The following RANBP2 variants were observed in gnomAD, a reference collection of about 807,000 sequenced individuals.
RANBP2 encodes the protein RAN binding protein 2.
In RANBP2, 57 loss-of-function variants were observed where a neutral mutation model predicts 303.6. The ratio of observed to expected loss-of-function variants is 0.19; its 90% CI spans 0.15 to 0.23. The LOEUF (loss-of-function observed/expected upper bound fraction) is 0.23, where lower values mean the gene tolerates loss of function less well. Ranked by LOEUF, RANBP2 falls within the 10% of genes least tolerant of loss-of-function variation. RANBP2 has a pLI of 1.00. For synonymous variants in RANBP2, 1,167 were observed against 1,301.5 expected, an observed-to-expected ratio of 0.90 and a Z score of 2.23; for missense variants, 3,138 against 3,780.8, an observed-to-expected ratio of 0.83 and a Z score of 4.46.
the RANBP2 span, chr2:109,128,686 A>C: frequency 1.2e-5 from 2 of 170,778 alleles, no homozygotes; most frequent in South Asian, 2.3e-4. Context: ...CTGTGTCCCC[A>C]AGCTGCTCGC....
At chr2:109,204,166 G>T in the RANBP2 span, among the ~76,000 whole-genome samples, 2 of 152,196 alleles carry the variant, frequency 1.3e-5, no homozygotes, top group Non-Finnish European at 2.9e-5. Context: ...TTTAGATTCA[G>T]CCATTAACTC....
Position 108,765,232 on chromosome 2 carries a change from G to C in RANBP2, c.4693G>C (p.Ala1565Pro), listed in dbSNP as rs777992415. The stretch of plus-strand genomic sequence containing the variant: ...TGAAGCAAATGCTACAAGATGTGTT[G>C]CTTGTCAGAATCCGGATAAACCAAG... ...RNEANATRCV[A>P]CQNPDKPSPS... The change falls in exon 20 of 29, where the codon GCT becomes CCT. Residue 1565 changes from alanine (A) to proline (P), a missense_variant. Physicochemically the swap from Ala to Pro is conservative, Grantham distance 27. Around this residue, in one of 20 missense-constraint regions of RANBP2, gnomAD observed 388 missense variants for 328.5 expected, o/e 1.18. Coordinates refer to ENST00000283195, the MANE Select transcript of RANBP2 (RefSeq NM_006267.5). 6.2e-7 allele frequency: 1 copy of C among 1,614,020 alleles called. No individual in the cohort carries two copies. The highest frequency in any genetic ancestry group is 1.7e-5 in the Admixed American group (1 of 60,002).
the RANBP2 span, among the ~76,000 whole-genome samples, chr2:108,984,955 C>A: frequency 6.6e-6 from 1 of 152,152 alleles, no homozygotes; most frequent in Non-Finnish European, 1.5e-5. Context: ...GGAAATATGG[C>A]AAATGGAAGT....
At position 108,719,585 on chromosome 2, in the gene RANBP2, C is replaced by G. The variant is rs1172245242; in HGVS notation, c.-22C>G. ...GCCTGAGCGCTGGTCTCACGCGCCT[C>G]GGGAGCCAGGTTGGCGGCGCGATGA... On this transcript the variant is annotated 5_prime_UTR_variant, in exon 1 of 29. Transcript: ENST00000283195. 33 of 1,597,238 alleles carry G rather than the reference C, an allele frequency of 2.1e-5. No individual in the cohort carries two copies. Among genetic ancestry groups the G allele is most frequent in the South Asian group, 1.1e-5 (1 of 88,328 alleles).
the RANBP2 span, among the ~76,000 whole-genome samples, chr2:109,235,933 GTTGGTT>G: frequency 4.6e-5 from 7 of 151,986 alleles, no homozygotes; most frequent in African/African-American, 1.5e-4. Context: ...AGGCTGTGGG[GTTGGTT>G]TCACCTTGAC....
chr2:109,006,464 G>T, the RANBP2 span, among the ~76,000 whole-genome samples: 28 of 152,264 alleles, frequency 1.8e-4, no homozygotes, highest in African/African-American at 6.7e-4. Flanking sequence ...AAAGTGCTGG[G>T]ATTACAGGCA....
chr2:109,203,858 C>T, the RANBP2 span, among the ~76,000 whole-genome samples: 4 of 152,196 alleles, frequency 2.6e-5, no homozygotes, highest in East Asian at 7.7e-4. Context: ...CGCTACCTAC[C>T]CCTGGGCCCT....
chr2:108,983,559 G>A, the RANBP2 span, among the ~76,000 whole-genome samples: 4 of 152,026 alleles, frequency 2.6e-5, no homozygotes, highest in Non-Finnish European at 4.4e-5. Context: ...CAACAATCCC[G>A]CCCTTCCAGC....
chr2:109,041,013 G>T, the RANBP2 span, among the ~76,000 whole-genome samples: 6 of 151,366 alleles, frequency 4.0e-5, no homozygotes, highest in African/African-American at 1.4e-4. Context: ...CGGAGATTGC[G>T]CCACTGCACT....
the RANBP2 span, among the ~76,000 whole-genome samples, chr2:108,957,211 C>T: frequency 3.3e-5 from 5 of 152,246 alleles, no homozygotes; most frequent in Non-Finnish European, 7.3e-5. Context: ...AGCCCTCACA[C>T]TGCATCTCCA....
chr2:108,860,504 G>A, the RANBP2 span, among the ~76,000 whole-genome samples: 1 of 150,606 alleles, frequency 6.6e-6, no homozygotes, highest in African/African-American at 2.4e-5. Flanking sequence ...CAATGCCTAG[G>A]TTGTTGAGGT....
At chr2:109,082,606 C>A in the RANBP2 span, among the ~76,000 whole-genome samples, 1 of 151,848 alleles carries the variant, frequency 6.6e-6, no homozygotes, top group African/African-American at 2.4e-5. Flanking sequence ...GCCTAGCACC[C>A]CTTTTTAAAA....
At chr2:109,600,778 C>T in the RANBP2 span, among the ~76,000 whole-genome samples, 140 of 152,310 alleles carry the variant, frequency 9.2e-4, no homozygotes, top group African/African-American at 3.3e-3. Flanking sequence ...CTCTGCTCAT[C>T]GCCAGCCCCA....
At chr2:109,551,238 G>A in the RANBP2 span, among the ~76,000 whole-genome samples, 1 of 152,052 alleles carries the variant, frequency 6.6e-6, no homozygotes, top group Non-Finnish European at 1.5e-5. Context: ...ATAGAAATAT[G>A]GATTTATACA....
At chr2:108,889,037 TATTA>T in the RANBP2 span, among the ~76,000 whole-genome samples, 13 of 152,220 alleles carry the variant, frequency 8.5e-5, no homozygotes, top group South Asian at 2.1e-3. Flanking sequence ...TAAATTTTCA[TATTA>T]ATTTCTTTTT....
chr2:109,293,854 C>G, the RANBP2 span, among the ~76,000 whole-genome samples: 4 of 152,206 alleles, frequency 2.6e-5, no homozygotes, highest in African/African-American at 9.7e-5. Context: ...GTGTCTTGCT[C>G]CTCTACCTCA....
chr2:108,973,393 C>T, the RANBP2 span, among the ~76,000 whole-genome samples: 9 of 152,292 alleles, frequency 5.9e-5, no homozygotes, highest in South Asian at 2.1e-4. Flanking sequence ...AGAGAGTGTC[C>T]GCCATCAGCC....
the RANBP2 span, among the ~76,000 whole-genome samples, chr2:109,737,789 G>C: frequency 2.6e-5 from 4 of 152,004 alleles, no homozygotes; most frequent in Non-Finnish European, 4.4e-5. Flanking sequence ...GTGAAATGAA[G>C]TCTCATTGCA....
At chr2:109,408,418 C>T in the RANBP2 span, among the ~76,000 whole-genome samples, 1 of 152,210 alleles carries the variant, frequency 6.6e-6, no homozygotes, top group Non-Finnish European at 1.5e-5. Context: ...TCTGCCAGAG[C>T]TCATCTGCCC....
Sources: gnomAD v4.1 joint callset for allele counts (sites outside exome capture counted in the v4.1 genomes callset) on GRCh38, gnomAD v4.1.1 for gene constraint, gnomAD v4.1.1 regional missense constraint, MANE v1.5 for transcripts, NCBI Gene and HGNC (gene_info 2026-07-23, HGNC 2026-07-21) for gene names.